GABRG3: variants seen among roughly 807,000 people sequenced by gnomAD.
GABRG3 encodes the protein gamma-aminobutyric acid type A receptor subunit gamma3, also known as gamma-aminobutyric acid receptor subunit gamma-3.
A neutral mutation model predicts 48.8 loss-of-function variants in GABRG3; 25 were observed. That is an observed-to-expected ratio of 0.51 (90% CI 0.37 to 0.72). The LOEUF is 0.72. Among genes scored for constraint, GABRG3 ranks in the 30% least tolerant of loss-of-function variants. GABRG3 has a pLI of 0.00. For synonymous variants in GABRG3, 227 were observed against 217.6 expected, an observed-to-expected ratio of 1.04 and a Z score of -0.38; for missense variants, 394 against 577.9, an observed-to-expected ratio of 0.68 and a Z score of 3.26.
intron 5 of GABRG3, among the ~76,000 whole-genome samples, chr15:27,477,607 C>A (rs1311216504): frequency 6.6e-6 from 1 of 152,166 alleles, no homozygotes; most frequent in Non-Finnish European, 1.5e-5. Flanking sequence ...TCAATTGTAA[C>A]CAATGTACCA....
chr15:27,354,306 A>G (rs1894761290), intron 5 of GABRG3, among the ~76,000 whole-genome samples: 1 of 152,204 alleles, frequency 6.6e-6, no homozygotes, highest in African/African-American at 2.4e-5. Flanking sequence ...CCTCCTTCTC[A>G]CCTTCTCAGA....
At chr15:27,289,124 A>G (rs1891714681) in intron 3 of GABRG3, among the ~76,000 whole-genome samples, 1 of 152,166 alleles carries the variant, frequency 6.6e-6, no homozygotes, top group South Asian at 2.1e-4. Flanking sequence ...CTGTTTGATT[A>G]TGATATACCT....
At chr15:27,104,722 G>A (rs774203737) in intron 3 of GABRG3, among the ~76,000 whole-genome samples, 33 of 152,172 alleles carry the variant, frequency 2.2e-4, no homozygotes, top group Non-Finnish European at 4.3e-4. Context: ...CAGCTGAATC[G>A]AAGACAGACT....
intron 5 of GABRG3, among the ~76,000 whole-genome samples, chr15:27,358,468 A>C (rs1301697815): frequency 6.6e-6 from 1 of 152,142 alleles, no homozygotes. Context: ...CGGGGAGGGA[A>C]GTGCAGAGAG....
intron 5 of GABRG3, among the ~76,000 whole-genome samples, chr15:27,456,109 G>T (rs1045482505): frequency 3.9e-5 from 6 of 152,118 alleles, no homozygotes; most frequent in African/African-American, 1.4e-4. Flanking sequence ...GGTCCTGCAG[G>T]TGATTCTGTT....
intron 3 of GABRG3, among the ~76,000 whole-genome samples, chr15:27,235,475 G>A (rs941782452): frequency 2.6e-5 from 4 of 151,520 alleles, no homozygotes; most frequent in East Asian, 1.9e-4. Context: ...ACAAACCGTC[G>A]TTCAATTTAG....
intron 3 of GABRG3, among the ~76,000 whole-genome samples, chr15:27,219,063 C>G (rs1015974330): frequency 2.0e-5 from 3 of 152,198 alleles, no homozygotes; most frequent in East Asian, 3.9e-4. Flanking sequence ...TCTGACCTGG[C>G]CTTCTCCTCT....
chr15:27,392,221 T>A (rs1887154687), intron 5 of GABRG3, among the ~76,000 whole-genome samples: 1 of 152,200 alleles, frequency 6.6e-6, no homozygotes, highest in Admixed American at 6.5e-5. Flanking sequence ...TTGTTCATAT[T>A]CCATCCTTTT....
At chr15:27,450,563 A>G (rs62003775) in intron 5 of GABRG3, among the ~76,000 whole-genome samples, 34,639 of 152,106 alleles carry the variant, frequency 0.23, 4,418 homozygotes, top group African/African-American at 0.33. Context: ...AATGTACCTC[A>G]AAATAATAAA....
chr15:27,223,149 A>G (rs182053642), intron 3 of GABRG3, among the ~76,000 whole-genome samples: 9 of 152,230 alleles, frequency 5.9e-5, no homozygotes, highest in Non-Finnish European at 1.2e-4. Flanking sequence ...TTTTAATCCA[A>G]TATTAATGTG....
intron 3 of GABRG3, among the ~76,000 whole-genome samples, chr15:27,159,539 C>G (rs569106284): frequency 7.3e-5 from 11 of 151,640 alleles, no homozygotes; most frequent in South Asian, 2.1e-4. Context: ...ATTTTCCATT[C>G]TTTAAGGGAT....
At chr15:27,029,315 C>T (rs1292687211) in intron 3 of GABRG3, among the ~76,000 whole-genome samples, 1 of 152,166 alleles carries the variant, frequency 6.6e-6, no homozygotes, top group Non-Finnish European at 1.5e-5. Context: ...GCAGTCAGCG[C>T]TCAGCAGGGA....
chr15:27,307,717 G>T (rs1394861388), intron 3 of GABRG3, among the ~76,000 whole-genome samples: 1 of 122,050 alleles, frequency 8.2e-6, no homozygotes, highest in Non-Finnish European at 1.7e-5. Context: ...AAACCTATAG[G>T]TTTATATATA....
intron 3 of GABRG3, among the ~76,000 whole-genome samples, chr15:27,302,014 G>T: frequency 6.6e-6 from 1 of 151,968 alleles, no homozygotes; most frequent in Non-Finnish European, 1.5e-5. Context: ...GGTAAACTAG[G>T]AATCTGACCA....
At chr15:26,980,140 G>A (rs1437671105) in intron 2 of GABRG3, among the ~76,000 whole-genome samples, 3 of 151,974 alleles carry the variant, frequency 2.0e-5, no homozygotes, top group Non-Finnish European at 4.4e-5. Context: ...CTTTTGTGAT[G>A]TCTGTAGGAC....
intron 2 of GABRG3, among the ~76,000 whole-genome samples, chr15:27,003,852 G>A (rs1331712290): frequency 3.6e-5 from 5 of 138,612 alleles, no homozygotes; most frequent in South Asian, 4.9e-4. Context: ...GGGCGGGGGG[G>A]GCTGACCCCC....
intron 3 of GABRG3, among the ~76,000 whole-genome samples, chr15:27,108,555 T>G (rs1897490356): frequency 6.6e-6 from 1 of 152,194 alleles, no homozygotes; most frequent in African/African-American, 2.4e-5. Context: ...GTTCTGCTGT[T>G]GTCGGATGGA....
intron 3 of GABRG3, among the ~76,000 whole-genome samples, chr15:27,308,351 A>T (rs1169541092): frequency 7.5e-5 from 8 of 106,522 alleles, no homozygotes; most frequent in East Asian, 6.4e-4. Flanking sequence ...ATATAAACAT[A>T]CGTTTATATA....
chr15:27,515,854 G>A (rs1199301827), intron 6 of GABRG3, among the ~76,000 whole-genome samples: 1 of 152,054 alleles, frequency 6.6e-6, no homozygotes, highest in East Asian at 1.9e-4. Context: ...CAATTAAATG[G>A]GATGATAAAT....
Sources: gnomAD v4.1 joint callset for allele counts (sites outside exome capture counted in the v4.1 genomes callset) on GRCh38, gnomAD v4.1.1 for gene constraint, MANE v1.5 for transcripts, NCBI Gene and HGNC (gene_info 2026-07-23, HGNC 2026-07-21) for gene names.